Variants in MYH9 observed in about 807,000 individuals in gnomAD.
MYH9 encodes myosin heavy chain 9.
In MYH9, 29 loss-of-function variants were observed where a neutral mutation model predicts 241.9. The ratio of observed to expected loss-of-function variants is 0.12; its 90% CI spans 0.09 to 0.16. The LOEUF (loss-of-function observed/expected upper bound fraction) is 0.16, where lower values mean the gene tolerates loss of function less well. MYH9 is among the 10% of genes least tolerant of loss of function. MYH9 has a pLI of 1.00. For missense variants in MYH9, 1,803 were observed against 2,595.5 expected, an observed-to-expected ratio of 0.69 and a Z score of 6.63; for synonymous variants, 1,047 against 1,062.6, an observed-to-expected ratio of 0.99 and a Z score of 0.29.
chr22:36,373,927 A>G (rs1051832719), intron 1 of MYH9, among the ~76,000 whole-genome samples: 11 of 152,320 alleles, frequency 7.2e-5, no homozygotes, highest in Admixed American at 5.9e-4. Context: ...TCTGCTTACA[A>G]TTTTGTAAAA....
chr22:36,319,685 T>C (rs1212828894), intron 9 of MYH9, 50 bp from the exon 10 acceptor site: 5 of 1,560,852 alleles, frequency 3.2e-6, no homozygotes, highest in East Asian at 2.3e-5. Flanking sequence ...GTCATGGTGA[T>C]TCCCGGGGGT....
rs1433481937 is a variant in MYH9 at position 36,293,572 on chromosome 22, T to C, written c.3943-91A>G. On this transcript the variant is annotated intron_variant, in intron 29 of 40. Transcript: ENST00000216181. The surrounding 1 kb of genome is among the most constrained non-coding windows in gnomAD (Gnocchi z 5.1). ...ACCCTTGAGGAGAGGGAGGAGCTGG[T>C]CCTGCTGATTTAGGGGATGGCCACG... The C allele has an allele frequency of 1.3e-6, 2 of 1,562,488 alleles. No homozygotes were observed. Among genetic ancestry groups the C allele is most frequent in the African/African-American group, 1.4e-5 (1 of 73,950 alleles).
Position 36,329,836 on chromosome 22 carries a change from C to T in MYH9, c.491-2348G>A, listed in dbSNP as rs568527350. 2.0e-5 allele frequency among the ~76,000 whole-genome samples: 3 copies of T among 152,352 alleles called. No homozygotes were observed. The highest frequency in any genetic ancestry group is 7.2e-5 in the African/African-American group (3 of 41,582). On this transcript the variant is annotated intron_variant, in intron 3 of 40. Transcript: ENST00000216181. This position sits in a 1 kb window ranked among gnomAD's most constrained non-coding sequence, Gnocchi z 4.1. ...GCAAGCATCTGTGCATACACAGTCA[C>T]ATATGGAGGTAGGTGTACAGAGGTA...
chr22:36,298,838 C>A, intron 24 of MYH9, 81 bp downstream of exon 24: 1 of 1,594,212 alleles, frequency 6.3e-7, no homozygotes, highest in Non-Finnish European at 8.5e-7. Flanking sequence ...CCTCGGTGTT[C>A]CGGTCAGACA....
chr22:36,286,807 G>C lies in MYH9; in HGVS notation c.4972C>G (p.Arg1658Gly). 6.2e-7 allele frequency: 1 copy of C among 1,611,714 alleles called. No homozygotes were observed. Among genetic ancestry groups the C allele is most frequent in the Non-Finnish European group, 8.5e-7 (1 of 1,180,026 alleles). ...KDCMRELDDT[R>G]ASREEILAQA... ...GCCAGGATCTCCTCACGAGAGGCGCGGGTGTCATCCAGCTCGCGCATGCAG... is the reference window on the plus strand; with the variant it reads ...GCCAGGATCTCCTCACGAGAGGCGCCGGTGTCATCCAGCTCGCGCATGCAG... The change falls in exon 35 of 41, where the codon CGC becomes GGC. Residue 1658 changes from arginine to glycine, a missense_variant. Around this residue, in one of 11 missense-constraint regions of MYH9, gnomAD observed 876 missense variants for 1,077.8 expected, o/e 0.81. Transcript: ENST00000216181.
chr22:36,341,239 C>T, intron 3 of MYH9, 131 bp downstream of exon 3: 1 of 1,158,294 alleles, frequency 8.6e-7, no homozygotes, highest in South Asian at 1.3e-5. Flanking sequence ...GTCTACAGAC[C>T]TCCATGATGC....
chr22:36,343,787 GTT>G (rs529769219), intron 2 of MYH9, among the ~76,000 whole-genome samples: 32 of 152,288 alleles, frequency 2.1e-4, no homozygotes, highest in African/African-American at 7.7e-4. Context: ...GCCTGTTCTG[GTT>G]TTTCCTCTGC....
chr22:36,375,955 C>CTTTTTT (rs751350180), intron 1 of MYH9, among the ~76,000 whole-genome samples: 127 of 89,032 alleles, frequency 1.4e-3, no homozygotes, highest in Middle Eastern at 0.01. Context: ...TCAATAATTT[C>CTTTTTT]TTTTTTTTTT....
chr22:36,289,808 C>A (rs567244235), intron 31 of MYH9, among the ~76,000 whole-genome samples: 2 of 152,328 alleles, frequency 1.3e-5, no homozygotes, highest in Non-Finnish European at 2.9e-5. Context: ...TTGGCCCAAA[C>A]CTTAATTATC....
At chr22:36,367,388 C>T (rs1013237839) in intron 1 of MYH9, among the ~76,000 whole-genome samples, 4 of 152,136 alleles carry the variant, frequency 2.6e-5, no homozygotes, top group South Asian at 2.1e-4. Context: ...TCCCTTGCTC[C>T]GGTTCTCAAA....
At chr22:36,347,025 AT>A (rs2017687605) in intron 2 of MYH9, among the ~76,000 whole-genome samples, 1 of 152,194 alleles carries the variant, frequency 6.6e-6, no homozygotes, top group Non-Finnish European at 1.5e-5. Context: ...TATTTTAGGA[AT>A]AATAACAAGC....
At chr22:36,331,880 C>T (rs2017425999) in intron 3 of MYH9, among the ~76,000 whole-genome samples, 1 of 152,240 alleles carries the variant, frequency 6.6e-6, no homozygotes, top group Non-Finnish European at 1.5e-5. Context: ...TCAGGTTGGA[C>T]AACATGCCCA....
At chr22:36,284,763 G>C (rs1251905946) in intron 38 of MYH9, among the ~76,000 whole-genome samples, 1 of 152,184 alleles carries the variant, frequency 6.6e-6, no homozygotes, top group Non-Finnish European at 1.5e-5. Flanking sequence ...AACTGGAAAA[G>C]AGGTCTGGGG....
chr22:36,285,894 A>G lies in MYH9; in HGVS notation c.5121T>C (p.Ala1707=). The change falls in exon 36 of 41, where the codon GCT becomes GCC. Residue 1707 remains alanine (A), a synonymous_variant. Coordinates refer to ENST00000216181, the MANE Select transcript of MYH9 (RefSeq NM_002473.6). This position sits in a 1 kb window ranked among gnomAD's most constrained non-coding sequence, Gnocchi z 7.0. ...TGCCGCTGCTGTTGGCGATCTCGTC[A>G]GCCAGCTCATCCCGCTCCTGCTGGG... is the stretch of plus-strand genomic sequence containing the variant. The part of the protein sequence containing the change: ...RQAQQERDEL[A]DEIANSSGKG... 8 of 1,612,680 alleles carry G rather than the reference A, an allele frequency of 5.0e-6. No homozygotes were observed. Among genetic ancestry groups the G allele is most frequent in the Non-Finnish European group, 6.8e-6 (8 of 1,179,770 alleles).
At chr22:36,368,620 C>A (rs529280382) in intron 1 of MYH9, among the ~76,000 whole-genome samples, 1 of 152,308 alleles carries the variant, frequency 6.6e-6, no homozygotes, top group East Asian at 1.9e-4. Flanking sequence ...CCAATCCCCT[C>A]CAGCAGACTC....
intron 7 of MYH9, 22 bp downstream of exon 7, chr22:36,321,736 T>C (rs1342915405): frequency 1.9e-6 from 3 of 1,611,248 alleles, no homozygotes; most frequent in African/African-American, 1.3e-5. Context: ...AGGACTCTTA[T>C]CCCAACGAAC....
chr22:36,370,820 C>A (rs896086210), intron 1 of MYH9, among the ~76,000 whole-genome samples: 24 of 137,308 alleles, frequency 1.7e-4, no homozygotes, highest in African/African-American at 5.8e-4. Context: ...CAAAGTGGGA[C>A]AAAAGGAAAA....
chr22:36,284,545 C>T (rs746471407), intron 38 of MYH9, 34 bp from the exon 39 acceptor site: 4 of 1,601,496 alleles, frequency 2.5e-6, no homozygotes, highest in East Asian at 2.2e-5. Flanking sequence ...AGAGGGAACA[C>T]CCTCCTTCAG....
At chr22:36,311,958 C>G in intron 14 of MYH9, 91 bp downstream of exon 14, 1 of 1,541,388 alleles carries the variant, frequency 6.5e-7, no homozygotes, top group Non-Finnish European at 9.0e-7. Context: ...CCCTGCGTCC[C>G]CAGCAGCTGC....
Sources: allele counts gnomAD v4.1 joint callset (sites outside exome capture counted in the v4.1 genomes callset), GRCh38; gene constraint gnomAD v4.1.1; regional missense constraint gnomAD v4.1.1; non-coding constraint Gnocchi (gnomAD v3.1); transcripts MANE v1.5; gene names NCBI Gene and HGNC (gene_info 2026-07-23, HGNC 2026-07-21).